The following SLC41A3 variants were observed in gnomAD, a reference collection of about 807,000 sequenced individuals.
SLC41A3 encodes the protein SLC41A1-like 2.
SLC41A3 carries 44 observed loss-of-function variants against 45.4 expected under a neutral mutation model. The observed-to-expected ratio is 0.97, with a 90% confidence interval of 0.76 to 1.25. SLC41A3 has a LOEUF of 1.25. Ranked by LOEUF, SLC41A3 falls within the 50% of genes most tolerant of loss-of-function variation. SLC41A3 has a pLI of 0.00. For missense variants in SLC41A3, 550 were observed against 600.6 expected (o/e 0.92, Z 0.88); for synonymous variants, 256 against 252.4 (o/e 1.01, Z -0.13).
At chr3:126,021,262 G>A (rs527419255) in intron 6 of SLC41A3, among the ~76,000 whole-genome samples, 75 of 152,260 alleles carry the variant, frequency 4.9e-4, no homozygotes, top group African/African-American at 1.8e-3. Flanking sequence ...CTTCCCCTGG[G>A]CGGGCCTTTA....
chr3:126,026,348 T>C lies in SLC41A3; in HGVS notation c.585A>G (p.Ala195=). 3 of 1,565,262 alleles carry C rather than the reference T, an allele frequency of 1.9e-6. No homozygotes were observed. Among genetic ancestry groups the C allele is most frequent in the Non-Finnish European group, 2.6e-6 (3 of 1,153,960 alleles). The change falls in exon 5 of 11, where the codon GCA becomes GCG. Residue 195 remains alanine, a synonymous_variant. Coordinates refer to ENST00000360370, the MANE Select transcript of SLC41A3 (RefSeq NM_017836.4). The surrounding 1 kb of genome is among the most constrained non-coding windows in gnomAD (Gnocchi z 4.2). ...CASSVLTAFL[A]AFALGVLMVC... ...GGCATGGCTCACCCAGGGCAAAGGC[T>C]GCAAGGAAGGCAGTGAGGACACTGC...
chr3:126,085,535 C>T (rs569110084), upstream of SLC41A3: 5 of 152,280 alleles, frequency 3.3e-5, no homozygotes, highest in South Asian at 1.0e-3. Context: ...CCCAGATCGC[C>T]CTTTGGTTGA....
intron 1 of SLC41A3, among the ~76,000 whole-genome samples, chr3:126,091,426 G>T (rs1161028034): frequency 6.6e-6 from 1 of 152,152 alleles, no homozygotes; most frequent in African/African-American, 2.4e-5. Context: ...AAGTGGGCAG[G>T]AGGGGTCGGG....
At chr3:126,050,229 C>G (rs958908060) in intron 3 of SLC41A3, among the ~76,000 whole-genome samples, 15 of 152,328 alleles carry the variant, frequency 9.8e-5, no homozygotes, top group African/African-American at 3.6e-4. Flanking sequence ...CCCCTGCCCC[C>G]ACCCCACCTG....
chr3:126,050,833 C>A, intron 3 of SLC41A3, 110 bp downstream of exon 3: 1 of 1,423,048 alleles, frequency 7.0e-7, no homozygotes, highest in Admixed American at 2.7e-5. Context: ...CCAGAAATAT[C>A]CATTGTTTTG....
At chr3:126,041,566 C>T (rs1468637264) in intron 3 of SLC41A3, among the ~76,000 whole-genome samples, 1 of 152,214 alleles carries the variant, frequency 6.6e-6, no homozygotes, top group Non-Finnish European at 1.5e-5. Context: ...TTCAGTACTG[C>T]AGGAACATAA....
intron 2 of SLC41A3, chr3:126,058,263 T>C (rs1943799612): frequency 6.6e-6 from 1 of 152,278 alleles, no homozygotes; most frequent in South Asian, 2.1e-4. Context: ...TACATAGCCG[T>C]AGTTAACTGC....
At chr3:126,060,150 G>A (rs561975131) in intron 2 of SLC41A3, among the ~76,000 whole-genome samples, 2 of 152,356 alleles carry the variant, frequency 1.3e-5, no homozygotes, top group Admixed American at 1.3e-4. Context: ...CGGGTGCGGT[G>A]GCTAATGCCT....
chr3:126,070,126 G>A (rs1235081170), intron 1 of SLC41A3: 2 of 152,186 alleles, frequency 1.3e-5, no homozygotes, highest in African/African-American at 4.8e-5. Flanking sequence ...TCCAAGTAGA[G>A]TAAACTCCGA....
intron 3 of SLC41A3, among the ~76,000 whole-genome samples, chr3:126,034,166 C>G (rs1942018174): frequency 6.6e-6 from 1 of 152,248 alleles, no homozygotes; most frequent in Non-Finnish European, 1.5e-5. Flanking sequence ...TACCCTGAAG[C>G]TAGCCTTATC....
At chr3:126,065,955 T>C (rs1944326810) in intron 2 of SLC41A3, among the ~76,000 whole-genome samples, 1 of 152,118 alleles carries the variant, frequency 6.6e-6, no homozygotes, top group Admixed American at 6.5e-5. Flanking sequence ...CACACCATAA[T>C]GACCACAGCA....
chr3:126,092,383 T>G (rs930116609), intron 1 of SLC41A3, among the ~76,000 whole-genome samples: 5 of 152,260 alleles, frequency 3.3e-5, no homozygotes, highest in African/African-American at 1.2e-4. Context: ...CATCCCTTCA[T>G]TTCCCATAAG....
At chr3:126,089,482 T>C (rs1337685527) in intron 1 of SLC41A3, among the ~76,000 whole-genome samples, 1 of 152,228 alleles carries the variant, frequency 6.6e-6, no homozygotes, top group Non-Finnish European at 1.5e-5. Context: ...TGTTTCCCCT[T>C]TCTAGTGCTA....
intron 3 of SLC41A3, among the ~76,000 whole-genome samples, chr3:126,036,815 A>G (rs1942229032): frequency 6.6e-6 from 1 of 152,202 alleles, no homozygotes; most frequent in South Asian, 2.1e-4. Flanking sequence ...TGGAAGATGG[A>G]ACATCTGTTT....
chr3:126,084,216 C>T (rs1335563324), upstream of SLC41A3: 1 of 152,008 alleles, frequency 6.6e-6, no homozygotes, highest in Non-Finnish European at 1.5e-5. Flanking sequence ...GCGGCCGGAC[C>T]TCGGACGACT....
intron 2 of SLC41A3, among the ~76,000 whole-genome samples, chr3:126,060,873 G>A (rs1258381478): frequency 6.6e-6 from 1 of 152,192 alleles, no homozygotes; most frequent in African/African-American, 2.4e-5. Context: ...ATGAGCAAGT[G>A]GCACAAGATC....
intron 3 of SLC41A3, among the ~76,000 whole-genome samples, chr3:126,036,762 C>G (rs1360207916): frequency 6.6e-6 from 1 of 152,176 alleles, no homozygotes; most frequent in Non-Finnish European, 1.5e-5. Context: ...TCATTACTTT[C>G]TGTATTTTTT....
intron 2 of SLC41A3, among the ~76,000 whole-genome samples, chr3:126,064,280 C>G (rs1315339703): frequency 6.6e-6 from 1 of 152,152 alleles, no homozygotes; most frequent in Non-Finnish European, 1.5e-5. Flanking sequence ...TATCTCAGGG[C>G]AGGAACTGTC....
At chr3:126,046,003 C>T (rs1398737502) in intron 3 of SLC41A3, among the ~76,000 whole-genome samples, 1 of 151,300 alleles carries the variant, frequency 6.6e-6, no homozygotes, top group East Asian at 1.9e-4. Context: ...GGAAAAAAAA[C>T]CACATGATGA....
Sources: gnomAD v4.1 joint callset for allele counts (sites outside exome capture counted in the v4.1 genomes callset) on GRCh38, gnomAD v4.1.1 for gene constraint, Gnocchi (gnomAD v3.1) non-coding constraint, MANE v1.5 for transcripts, NCBI Gene and HGNC (gene_info 2026-07-23, HGNC 2026-07-21) for gene names.